Variants in ADGRB3 observed in about 807,000 individuals in gnomAD.
ADGRB3 encodes the protein adhesion G protein-coupled receptor B3.
A neutral mutation model predicts 193.4 loss-of-function variants in ADGRB3; 37 were observed. That is an observed-to-expected ratio of 0.19 (90% confidence interval 0.15 to 0.25). The LOEUF (loss-of-function observed/expected upper bound fraction) is 0.25, where lower values mean the gene tolerates loss of function less well. ADGRB3 is among the 10% of genes least tolerant of loss of function. ADGRB3 has a pLI of 1.00. For missense variants in ADGRB3, 1,637 were observed against 1,852.9 expected (o/e 0.88, Z 2.14); for synonymous variants, 690 against 644.2 (o/e 1.07, Z -1.08).
At chr6:68,702,138 A>G (rs1765251873) in intron 3 of ADGRB3, among the ~76,000 whole-genome samples, 1 of 152,000 alleles carries the variant, frequency 6.6e-6, no homozygotes. Flanking sequence ...GGGAGACTTC[A>G]GGAAGTTTCC....
intron 11 of ADGRB3, among the ~76,000 whole-genome samples, chr6:69,012,412 C>T (rs943634260): frequency 7.9e-5 from 12 of 151,948 alleles, no homozygotes; most frequent in Non-Finnish European, 1.3e-4. Context: ...TCATTAGCAC[C>T]ATGTCCCCTA....
At chr6:68,762,370 G>A (rs540549472) in intron 3 of ADGRB3, among the ~76,000 whole-genome samples, 3 of 152,160 alleles carry the variant, frequency 2.0e-5, no homozygotes, top group East Asian at 1.9e-4. Context: ...AGTGAGTAAC[G>A]ATGAGCAATT....
intron 6 of ADGRB3, among the ~76,000 whole-genome samples, chr6:68,948,355 C>G (rs978400581): frequency 6.6e-6 from 1 of 152,034 alleles, no homozygotes; most frequent in African/African-American, 2.4e-5. Flanking sequence ...TCCCCCTCTA[C>G]GGTGATTTGA....
At chr6:68,814,374 C>G (rs1224678243) in intron 3 of ADGRB3, among the ~76,000 whole-genome samples, 1 of 152,138 alleles carries the variant, frequency 6.6e-6, no homozygotes, top group Non-Finnish European at 1.5e-5. Context: ...AGTGTCTGTT[C>G]ATATCCTTCA....
At chr6:69,168,907 CAT>C (rs1249791545) in intron 17 of ADGRB3, among the ~76,000 whole-genome samples, 1 of 152,104 alleles carries the variant, frequency 6.6e-6, no homozygotes, top group East Asian at 1.9e-4. Flanking sequence ...GTAAACATCT[CAT>C]AAATTTTTTT....
intron 26 of ADGRB3, among the ~76,000 whole-genome samples, chr6:69,343,616 A>G (rs1418750785): frequency 1.3e-5 from 2 of 152,124 alleles, no homozygotes; most frequent in East Asian, 1.9e-4. Flanking sequence ...AAATCTTAAT[A>G]TTTAAACTTT....
intron 6 of ADGRB3, 97 bp from the exon 7 acceptor site, chr6:68,955,927 T>G: frequency 8.2e-7 from 1 of 1,216,278 alleles, no homozygotes; most frequent in Non-Finnish European, 1.1e-6. Context: ...GTCCATTGAT[T>G]GGGGTTCATC....
chr6:69,312,550 T>G lies in ADGRB3; in HGVS notation c.2815-12322T>G, dbSNP rs141221549. Among the ~76,000 whole-genome samples, 6 of 151,786 alleles carry G rather than the reference T, an allele frequency of 4.0e-5. No homozygotes were observed. The East Asian group carries it at 1.2e-3, about 30-fold the overall frequency. ...TTCCGTAACAGGTCCAGTGGTGTCA[T>G]TTAGTGTAATTCAGTTGTAGTGGTT... is the stretch of plus-strand genomic sequence containing the variant. On this transcript the variant is annotated intron_variant, in intron 20 of 31. Coordinates refer to ENST00000370598, the MANE Select transcript of ADGRB3 (RefSeq NM_001704.3).
At chr6:68,891,552 A>G (rs1255217264) in intron 3 of ADGRB3, among the ~76,000 whole-genome samples, 1 of 152,052 alleles carries the variant, frequency 6.6e-6, no homozygotes, top group Non-Finnish European at 1.5e-5. Context: ...TGATCAAACA[A>G]CTTAATGAAT....
intron 30 of ADGRB3, among the ~76,000 whole-genome samples, chr6:69,380,438 G>C (rs1213681800): frequency 6.6e-6 from 1 of 151,946 alleles, no homozygotes; most frequent in Non-Finnish European, 1.5e-5. Flanking sequence ...CAAAATAAGG[G>C]TGCCGTGCCT....
At chr6:69,200,452 T>C (rs1193198517) in intron 17 of ADGRB3, among the ~76,000 whole-genome samples, 2 of 152,114 alleles carry the variant, frequency 1.3e-5, no homozygotes, top group African/African-American at 4.8e-5. Context: ...AAGGGAGATC[T>C]GTGTCTTAGA....
At chr6:68,807,202 GA>G (rs774259581) in intron 3 of ADGRB3, among the ~76,000 whole-genome samples, 1 of 149,432 alleles carries the variant, frequency 6.7e-6, no homozygotes, top group Non-Finnish European at 1.5e-5. Flanking sequence ...CATTAAAATG[GA>G]TGTTAATTTT....
chr6:69,024,332 T>A (rs2150289896), intron 13 of ADGRB3, among the ~76,000 whole-genome samples: 1 of 152,308 alleles, frequency 6.6e-6, no homozygotes, highest in South Asian at 2.1e-4. Flanking sequence ...TAAGATAAAC[T>A]TTATGGGATT....
intron 17 of ADGRB3, among the ~76,000 whole-genome samples, chr6:69,190,493 G>A (rs1024425637): frequency 8.2e-4 from 125 of 151,892 alleles, no homozygotes; most frequent in Non-Finnish European, 1.8e-4. Flanking sequence ...GTCTCAATAC[G>A]AGTCAAAAAG....
At chr6:68,736,304 C>T (rs1421015461) in intron 3 of ADGRB3, among the ~76,000 whole-genome samples, 4 of 152,140 alleles carry the variant, frequency 2.6e-5, no homozygotes, top group African/African-American at 4.8e-5. Flanking sequence ...AGGCGTGATC[C>T]GCCATGCCCA....
At chr6:68,911,685 T>A (rs1032842114) in intron 3 of ADGRB3, among the ~76,000 whole-genome samples, 2 of 152,222 alleles carry the variant, frequency 1.3e-5, no homozygotes, top group Admixed American at 6.5e-5. Context: ...GGCATTTAAC[T>A]CTACTACTTT....
intron 3 of ADGRB3, among the ~76,000 whole-genome samples, chr6:68,666,377 A>T (rs1768802212): frequency 6.6e-6 from 1 of 152,014 alleles, no homozygotes; most frequent in East Asian, 1.9e-4. Context: ...CCACCATTAA[A>T]GTTGTCTATT....
intron 17 of ADGRB3, among the ~76,000 whole-genome samples, chr6:69,100,868 A>AGGAGAGAG (rs1562159418): frequency 5.7e-4 from 14 of 24,542 alleles, no homozygotes; most frequent in East Asian, 4.9e-3. Flanking sequence ...GAAGGAAGGA[A>AGGAGAGAG]GGAAGAAGGA....
chr6:68,805,329 T>C (rs1288659792), intron 3 of ADGRB3, among the ~76,000 whole-genome samples: 2 of 152,176 alleles, frequency 1.3e-5, no homozygotes, highest in African/African-American at 4.8e-5. Context: ...CATTACAAAA[T>C]ATCATGTGAA....
Sources: gnomAD v4.1 joint callset for allele counts (sites outside exome capture counted in the v4.1 genomes callset) on GRCh38, gnomAD v4.1.1 for gene constraint, MANE v1.5 for transcripts, NCBI Gene and HGNC (gene_info 2026-07-23, HGNC 2026-07-21) for gene names.